Variants in TREH observed in about 807,000 individuals in gnomAD.
TREH encodes trehalase.
A neutral mutation model predicts 80.5 loss-of-function variants in TREH; 69 were observed. That is an observed-to-expected ratio of 0.86 (90% CI 0.71 to 1.05). The LOEUF (loss-of-function observed/expected upper bound fraction) is 1.05, where lower values mean the gene tolerates loss of function less well. Among genes scored for constraint, TREH ranks in the 50% least tolerant of loss-of-function variants. TREH has a pLI of 0.00. For synonymous variants in TREH, 309 were observed against 293.5 expected, an observed-to-expected ratio of 1.05 and a Z score of -0.54; for missense variants, 716 against 718.8, an observed-to-expected ratio of 1.00 and a Z score of 0.04.
intron 1 of TREH, among the ~76,000 whole-genome samples, chr11:118,678,333 T>C (rs202046301): frequency 1.1e-4 from 17 of 150,916 alleles, no homozygotes; most frequent in Non-Finnish European, 1.6e-4. Flanking sequence ...TACTTCAAAC[T>C]GTGCTTCTGT....
At position 118,657,655 on chromosome 11, in the gene TREH, AGAGGAGG is replaced by A; in HGVS notation, c.*627_*633del. The stretch of plus-strand genomic sequence containing the variant: ...GATGAAGCCGGGGGATCTATGGAAC[AGAGGAGG>A]AGCGATGCAGTTGGGAGAGGAAGCT... On this transcript the variant is annotated 3_prime_UTR_variant, in exon 15 of 15. Coordinates refer to ENST00000264029, the MANE Select transcript of TREH (RefSeq NM_007180.3). 6.5e-6 allele frequency: 1 copy of A among 153,870 alleles called. No homozygotes were observed. The highest frequency in any genetic ancestry group is 1.5e-5 in the Non-Finnish European group (1 of 68,886). 9.5% of individuals were successfully genotyped at this position (153,870 alleles called of 1,614,324 possible).
At chr11:118,675,306 C>A (rs1265999308) in intron 1 of TREH, among the ~76,000 whole-genome samples, 1 of 152,160 alleles carries the variant, frequency 6.6e-6, no homozygotes, top group Non-Finnish European at 1.5e-5. Flanking sequence ...TTAATCCTGG[C>A]ACTAACCATC....
chr11:118,663,034 C>T lies in TREH; in HGVS notation c.335+18G>A, dbSNP rs563894639. On this transcript the variant is annotated intron_variant, in intron 3 of 14. Transcript: ENST00000264029. ...CAGTTGGAAGGAACCCTCTCTTGTT[C>T]CCCTTCCAGAGTCATACCTGTCTTT... 1 of 1,612,122 alleles carries T rather than the reference C, an allele frequency of 6.2e-7. No homozygotes were observed. Among genetic ancestry groups the T allele is most frequent in the African/African-American group, 1.3e-5 (1 of 75,042 alleles).
intron 1 of TREH, among the ~76,000 whole-genome samples, chr11:118,676,575 TG>T (rs1949481044): frequency 7.2e-6 from 1 of 138,998 alleles, no homozygotes; most frequent in East Asian, 2.1e-4. Context: ...TAAGACCAGC[TG>T]GCCAACATGG....
Position 118,674,250 on chromosome 11 carries a change from A to C in TREH, c.89+5289T>G, listed in dbSNP as rs573057744. 7.6e-4 allele frequency among the ~76,000 whole-genome samples: 116 copies of C among 152,364 alleles called. No homozygotes were observed. The highest frequency in any genetic ancestry group is 2.6e-3 in the African/African-American group (108 of 41,590). On this transcript the variant is annotated intron_variant, in intron 1 of 14. Coordinates refer to ENST00000264029, the MANE Select transcript of TREH (RefSeq NM_007180.3). This position sits in a 1 kb window ranked among gnomAD's most constrained non-coding sequence, Gnocchi z 4.4. ...CTCTCACATGGAAATTATCTAGTCCAAAGTCTCAGCACTCGTGCCAGGAGG... is the reference window on the plus strand; with the variant it reads ...CTCTCACATGGAAATTATCTAGTCCCAAGTCTCAGCACTCGTGCCAGGAGG...
In TREH at chr11:118,659,496, A is replaced by C; in HGVS notation, c.1321-15T>G. The stretch of plus-strand genomic sequence containing the variant: ...ATCCGGTTGTCCTAGAAGGTCCCAG[A>C]CATTCCCATGACTGTGGGTGGGGCT... On this transcript the variant is annotated splice_polypyrimidine_tract_variant and intron_variant, in intron 11 of 14. Transcript: ENST00000264029. 6.4e-7 allele frequency: 1 copy of C among 1,556,470 alleles called. No homozygotes were observed. The highest frequency in any genetic ancestry group is 1.4e-5 in the African/African-American group (1 of 73,724).
At chr11:118,669,592 C>A (rs76128687) in intron 1 of TREH, among the ~76,000 whole-genome samples, 3 of 152,070 alleles carry the variant, frequency 2.0e-5, no homozygotes, top group African/African-American at 7.3e-5. Flanking sequence ...ATAAGCCAGA[C>A]GCAGAAAGAC....
Position 118,658,992 on chromosome 11 carries a change from C to T in TREH, c.1458G>A (p.Arg486=), listed in dbSNP as rs1555144183. The T allele has an allele frequency of 5.6e-6, 9 of 1,613,712 alleles. No homozygotes were observed. Among genetic ancestry groups the T allele is most frequent in the Non-Finnish European group, 5.9e-6 (7 of 1,179,874 alleles). ...IRGLAKAPLR[R]AQEVAFQLAQ... The stretch of plus-strand genomic sequence containing the variant: ...CCAGCTGGAAAGCCACTTCCTGGGC[C>T]CGACGTAAAGGTGCCTTGGCCAGGC... The change falls in exon 13 of 15, where the codon CGG becomes CGA. Residue 486 remains arginine, a synonymous_variant. Coordinates refer to ENST00000264029, the MANE Select transcript of TREH (RefSeq NM_007180.3).
chr11:118,661,102 A>T lies in TREH; in HGVS notation c.857+58T>A, dbSNP rs1300704468. Reference sequence around the variant, plus strand: ...TCCTCCTCCTGCCCGGGGCATTGTGATGCTCTAACCAGAGTGAGCAGGTAA... The same window carrying T: ...TCCTCCTCCTGCCCGGGGCATTGTGTTGCTCTAACCAGAGTGAGCAGGTAA... On this transcript the variant is annotated intron_variant, in intron 8 of 14. Transcript: ENST00000264029. The surrounding 1 kb of genome is among the most constrained non-coding windows in gnomAD (Gnocchi z 4.2). 22 of 1,610,232 alleles carry T rather than the reference A, an allele frequency of 1.4e-5. No individual in the cohort carries two copies. The highest frequency in any genetic ancestry group is 1.8e-5 in the Non-Finnish European group (21 of 1,177,760).
chr11:118,664,246 A>C (rs982617536), intron 1 of TREH, among the ~76,000 whole-genome samples: 1 of 152,238 alleles, frequency 6.6e-6, no homozygotes, highest in African/African-American at 2.4e-5. Context: ...ATGGGTAGAA[A>C]GACCTTGTTT....
rs1555145114 is a variant in TREH, at chr11:118,662,000, G to A, written c.424-10C>T. The A allele has an allele frequency of 1.9e-6, 3 of 1,549,194 alleles. No individual in the cohort carries two copies. Among genetic ancestry groups the A allele is most frequent in the Non-Finnish European group, 2.6e-6 (3 of 1,144,706 alleles). On this transcript the variant is annotated splice_polypyrimidine_tract_variant and intron_variant, in intron 4 of 14. Transcript: ENST00000264029. The surrounding 1 kb of genome is among the most constrained non-coding windows in gnomAD (Gnocchi z 4.2). Reference sequence around the variant, plus strand: ...GAACCTCTGGCTTCATCTGGAGTCGGGAGAGAGGGCAAGGGGAGCCTAGAA... The same window carrying A: ...GAACCTCTGGCTTCATCTGGAGTCGAGAGAGAGGGCAAGGGGAGCCTAGAA...
chr11:118,659,484 A>T lies in TREH; in HGVS notation c.1321-3T>A. 2 of 1,575,750 alleles carry T rather than the reference A, an allele frequency of 1.3e-6. No individual in the cohort carries two copies. Among genetic ancestry groups the T allele is most frequent in the Non-Finnish European group, 1.7e-6 (2 of 1,159,690 alleles). ...TGGTAAGTCAGGATCCGGTTGTCCT[A>T]GAAGGTCCCAGACATTCCCATGACT... On this transcript the variant is annotated splice_region_variant and splice_polypyrimidine_tract_variant and intron_variant, in intron 11 of 14. Transcript: ENST00000264029.
At position 118,658,707 on chromosome 11, in the gene TREH, G is replaced by T. The variant is rs372020058; in HGVS notation, c.1572C>A (p.Pro524=). ...EKYDVSNGGQ[P]GGGGEYEVQE... is the part of the protein sequence containing the mutation. ...GAACTTCATATTCTCCTCCCCCACCGGGCTGTCCACCGTTGCTGACGTCAT... is the reference window on the plus strand; with the variant it reads ...GAACTTCATATTCTCCTCCCCCACCTGGCTGTCCACCGTTGCTGACGTCAT... Residue 524 remains proline (P), a synonymous_variant, in exon 14 of 15, where the codon CCC becomes CCA. Coordinates refer to ENST00000264029, the MANE Select transcript of TREH (RefSeq NM_007180.3). 2.5e-6 allele frequency: 4 copies of T among 1,602,562 alleles called. No homozygotes were observed. Among genetic ancestry groups the T allele is most frequent in the Admixed American group, 3.4e-5 (2 of 58,110 alleles).
intron 1 of TREH, among the ~76,000 whole-genome samples, chr11:118,671,648 G>C (rs889665350): frequency 1.3e-4 from 20 of 152,114 alleles, no homozygotes; most frequent in African/African-American, 4.1e-4. Context: ...GATAATAACA[G>C]AGAACTTCCC....
In TREH at chr11:118,660,740, G is replaced by T. The variant is rs782089073; in HGVS notation, c.908-7C>A. The T allele has an allele frequency of 6.4e-7, 1 of 1,567,458 alleles. No individual in the cohort carries two copies. The highest frequency in any genetic ancestry group is 1.7e-4 in the Middle Eastern group (1 of 6,006). The stretch of plus-strand genomic sequence containing the variant: ...CACAGAGCCTCCCGGTCTCCTGTGA[G>T]GACAGAGCAGGGAACCAGCCAGTCC... On this transcript the variant is annotated splice_polypyrimidine_tract_variant and splice_region_variant and intron_variant, in intron 9 of 14. Coordinates refer to ENST00000264029, the MANE Select transcript of TREH (RefSeq NM_007180.3).
At chr11:118,675,797 A>G (rs1259998061) in intron 1 of TREH, among the ~76,000 whole-genome samples, 2 of 274 alleles carry the variant, frequency 7.3e-3, no homozygotes, top group South Asian at 0.25. Context: ...TCCACCTCCC[A>G]GGTCAATGAT....
rs546801778 is a variant in TREH, at chr11:118,659,392, G to C, written c.1410C>G (p.Pro470=). Residue 470 remains proline, a synonymous_variant, in exon 12 of 15, where the codon CCC becomes CCG. Transcript: ENST00000264029. ...QQWDFPNAWA[P]LQDLVIRGLA... ...TACCTCTGATGACCAGGTCCTGCAG[G>C]GGGGCCCAGGCATTGGGGAAATCCC... is the stretch of plus-strand genomic sequence containing the variant. 11 of 1,594,622 alleles carry C rather than the reference G, an allele frequency of 6.9e-6. No homozygotes were observed. In the African/African-American group the frequency reaches 9.4e-5, roughly 14 times the overall value.
rs1555145065 is a variant in TREH at position 118,661,852 on chromosome 11, C to G, written c.524+38G>C. Reference sequence around the variant, plus strand: ...CCTGGGTTTCTCCACCACTGCCAGTCCTGCAGGCCCCTTGGTCTCTTGGGC... The same window carrying G: ...CCTGGGTTTCTCCACCACTGCCAGTGCTGCAGGCCCCTTGGTCTCTTGGGC... On this transcript the variant is annotated intron_variant, in intron 5 of 14. Transcript: ENST00000264029. The surrounding 1 kb of genome is among the most constrained non-coding windows in gnomAD (Gnocchi z 4.2). 6 of 1,571,086 alleles carry G rather than the reference C, an allele frequency of 3.8e-6. No homozygotes were observed. The Admixed American group carries it at 5.7e-5, about 15-fold the overall frequency.
At position 118,661,916 on chromosome 11, in the gene TREH, G is replaced by C. The variant is rs372572549; in HGVS notation, c.498C>G (p.Gly166=). ...AGTAGTAGAACTCAACAAAGCGACC[G>C]CCAGGCACAATGAAGGGATGTTCTG... ...IYSEHPFIVP[G]GRFVEFYYWD... is the part of the protein sequence containing the mutation. The change falls in exon 5 of 15, where the codon GGC becomes GGG. Residue 166 remains glycine, a synonymous_variant. Coordinates refer to ENST00000264029, the MANE Select transcript of TREH (RefSeq NM_007180.3). This position sits in a 1 kb window ranked among gnomAD's most constrained non-coding sequence, Gnocchi z 4.2. 18 of 1,555,828 alleles carry C rather than the reference G, an allele frequency of 1.2e-5. No homozygotes were observed. The highest frequency in any genetic ancestry group is 1.5e-5 in the Non-Finnish European group (17 of 1,149,516).
Sources: gnomAD v4.1 joint callset for allele counts (sites outside exome capture counted in the v4.1 genomes callset) on GRCh38, gnomAD v4.1.1 for gene constraint, Gnocchi (gnomAD v3.1) non-coding constraint, MANE v1.5 for transcripts, NCBI Gene and HGNC (gene_info 2026-07-23, HGNC 2026-07-21) for gene names.